The following ELP3 variants were observed in gnomAD, a reference collection of about 807,000 sequenced individuals.
ELP3 encodes the protein elongator acetyltransferase complex subunit 3, also known as elongator complex protein 3.
In ELP3, 56 loss-of-function variants were observed where a neutral mutation model predicts 74.9. The ratio of observed to expected loss-of-function variants is 0.75; its 90% CI spans 0.60 to 0.93. ELP3 has a LOEUF of 0.93. Ranked by LOEUF, ELP3 falls within the 40% of genes least tolerant of loss-of-function variation. ELP3 has a pLI of 0.00. For synonymous variants in ELP3, 222 were observed against 239.8 expected, an observed-to-expected ratio of 0.93 and a Z score of 0.68; for missense variants, 573 against 686.5, an observed-to-expected ratio of 0.83 and a Z score of 1.85.
At chr8:28,146,471 T>G (rs1813437461) in intron 10 of ELP3, among the ~76,000 whole-genome samples, 1 of 152,224 alleles carries the variant, frequency 6.6e-6, no homozygotes, top group Non-Finnish European at 1.5e-5. Context: ...AAATGTTACC[T>G]GTTGAAATAG....
intron 3 of ELP3, among the ~76,000 whole-genome samples, chr8:28,103,754 A>T (rs1243870174): frequency 1.3e-5 from 2 of 152,210 alleles, no homozygotes; most frequent in Non-Finnish European, 2.9e-5. Flanking sequence ...TTATTTTAAG[A>T]CAGGGTTTTG....
At chr8:28,106,861 C>A in intron 4 of ELP3, 78 bp downstream of exon 4, 1 of 1,053,024 alleles carries the variant, frequency 9.5e-7, no homozygotes, top group Non-Finnish European at 1.5e-6. Flanking sequence ...TTAGTCAGTA[C>A]ATCCTGGTAA....
intron 10 of ELP3, among the ~76,000 whole-genome samples, chr8:28,152,043 G>A (rs1813660408): frequency 6.6e-6 from 1 of 152,120 alleles, no homozygotes; most frequent in Non-Finnish European, 1.5e-5. Flanking sequence ...TTTCCACTCA[G>A]GAGTCTCTGC....
intron 14 of ELP3, among the ~76,000 whole-genome samples, chr8:28,172,601 A>G (rs954741740): frequency 1.3e-5 from 2 of 152,082 alleles, no homozygotes; most frequent in African/African-American, 4.8e-5. Flanking sequence ...GAATAGAGAT[A>G]GTTTTACTTA....
intron 7 of ELP3, among the ~76,000 whole-genome samples, chr8:28,119,231 T>C (rs1441433308): frequency 6.6e-6 from 1 of 152,198 alleles, no homozygotes; most frequent in East Asian, 1.9e-4. Context: ...CCAGAGAACA[T>C]AGGATACAAT....
chr8:28,178,571 G>A (rs1040442042), intron 14 of ELP3, among the ~76,000 whole-genome samples: 23 of 152,124 alleles, frequency 1.5e-4, no homozygotes, highest in African/African-American at 4.1e-4. Context: ...CGATTTATCC[G>A]TCTTAACTCT....
intron 4 of ELP3, 46 bp downstream of exon 4, chr8:28,106,829 C>A: frequency 7.0e-7 from 1 of 1,429,920 alleles, no homozygotes; most frequent in Non-Finnish European, 9.8e-7. Context: ...TTTAATTAAG[C>A]TAAATATGCC....
intron 14 of ELP3, among the ~76,000 whole-genome samples, chr8:28,184,142 T>TTGTAGAAACAGGA (rs1420703189): frequency 6.6e-6 from 1 of 152,140 alleles, no homozygotes; most frequent in African/African-American, 2.4e-5. Flanking sequence ...GTTCTGCAGG[T>TTGTAGAAACAGGA]TGTAGAAACA....
chr8:28,118,529 G>A (rs1812224383), intron 7 of ELP3, among the ~76,000 whole-genome samples: 1 of 152,136 alleles, frequency 6.6e-6, no homozygotes, highest in Non-Finnish European at 1.5e-5. Flanking sequence ...TAATCACTCA[G>A]TACTATCAGC....
At chr8:28,107,264 A>T (rs1811735703) in intron 4 of ELP3, among the ~76,000 whole-genome samples, 1 of 152,188 alleles carries the variant, frequency 6.6e-6, no homozygotes, top group Admixed American at 6.5e-5. Context: ...AATAAATAAA[A>T]TTAGAACATA....
chr8:28,117,444 T>C (rs1812184159), intron 7 of ELP3, among the ~76,000 whole-genome samples: 1 of 152,184 alleles, frequency 6.6e-6, no homozygotes, highest in African/African-American at 2.4e-5. Context: ...GAAAAAGCCC[T>C]GTGGAAGAGA....
At chr8:28,092,835 C>CCA (rs1241579190), upstream of ELP3, 1 of 275,920 alleles carries the variant, frequency 3.6e-6, no homozygotes, top group Non-Finnish European at 7.1e-6. Flanking sequence ...CACTCCCCCC[C>CCA]ATGAGAGACC....
At chr8:28,136,017 A>G (rs898670159) in intron 9 of ELP3, among the ~76,000 whole-genome samples, 1 of 147,366 alleles carries the variant, frequency 6.8e-6, no homozygotes, top group African/African-American at 2.5e-5. Flanking sequence ...GCTGGAGTGC[A>G]GTGGCACGAT....
At chr8:28,094,525 C>G (rs1252630051) in intron 1 of ELP3, among the ~76,000 whole-genome samples, 8 of 152,174 alleles carry the variant, frequency 5.3e-5, no homozygotes, top group Non-Finnish European at 8.8e-5. Flanking sequence ...TGGAGACCAG[C>G]CTGACCAACG....
chr8:28,127,780 C>T (rs1254456588), intron 7 of ELP3, among the ~76,000 whole-genome samples: 1 of 152,168 alleles, frequency 6.6e-6, no homozygotes, highest in Non-Finnish European at 1.5e-5. Flanking sequence ...CTTTTAGTGA[C>T]TTTGAACTAG....
In ELP3 at chr8:28,137,507, C is replaced by G. The variant is rs573214143; in HGVS notation, c.907-191C>G. Among the ~76,000 whole-genome samples the G allele has an allele frequency of 2.6e-5, 4 of 152,316 alleles. 1 individual carries two copies. The South Asian group carries it at 6.2e-4, about 24-fold the overall frequency. ...TGAGGGCCTAGTGCAGTCCAGCACA[C>G]ACTTGCTTTGCCCCAGTGAGACTAC... is the stretch of plus-strand genomic sequence containing the variant. On this transcript the variant is annotated intron_variant, in intron 9 of 14. Transcript: ENST00000256398.
At chr8:28,136,269 C>T (rs1812988405) in intron 9 of ELP3, among the ~76,000 whole-genome samples, 1 of 152,070 alleles carries the variant, frequency 6.6e-6, no homozygotes, top group South Asian at 2.1e-4. Context: ...GCCCCTGTTA[C>T]TTTAGTGTGG....
intron 14 of ELP3, among the ~76,000 whole-genome samples, chr8:28,183,933 G>T (rs1299371624): frequency 6.6e-6 from 1 of 152,212 alleles, no homozygotes; most frequent in East Asian, 1.9e-4. Flanking sequence ...GGTCCAGGCA[G>T]CCTGCATGTC....
chr8:28,172,362 A>G (rs1326232955), intron 14 of ELP3, among the ~76,000 whole-genome samples: 1 of 151,892 alleles, frequency 6.6e-6, no homozygotes, highest in Non-Finnish European at 1.5e-5. Flanking sequence ...CCAGTCTTGC[A>G]CCTCTTTGCT....
Sources: allele counts gnomAD v4.1 joint callset (sites outside exome capture counted in the v4.1 genomes callset), GRCh38; gene constraint gnomAD v4.1.1; transcripts MANE v1.5; gene names NCBI Gene and HGNC (gene_info 2026-07-23, HGNC 2026-07-21).